Variants in RP1 observed in about 807,000 individuals in gnomAD.
RP1 encodes the protein RP1 axonemal microtubule associated, also known as oxygen-regulated protein 1.
A neutral mutation model predicts 14.8 loss-of-function variants in RP1; 16 were observed. The ratio of observed to expected loss-of-function variants is 1.08; its 90% CI spans 0.73 to 1.65. The LOEUF (loss-of-function observed/expected upper bound fraction) is 1.65. Ranked by LOEUF, RP1 falls within the 40% of genes most tolerant of loss-of-function variation. RP1 has a pLI of 0.00. For missense variants in RP1, 2,631 were observed against 2,535.0 expected (o/e 1.04, Z -0.81); for synonymous variants, 876 against 883.6 (o/e 0.99, Z 0.15).
chr8:54,649,810 T>G (rs1162925242), intron 4 of RP1, among the ~76,000 whole-genome samples: 1 of 152,186 alleles, frequency 6.6e-6, no homozygotes, highest in Non-Finnish European at 1.5e-5. Context: ...GTATTGCAAG[T>G]CTTCACAGGA....
Position 54,697,040 on chromosome 8 carries a change from C to T in RP1, c.1718-2427C>T, listed in dbSNP as rs574687710. On this transcript the variant is annotated intron_variant, in intron 12 of 22. Transcript: ENST00000636932. ...GCACCCTTTCCACCTTTCAGTGGCC[C>T]GTCACGCTACCAAAAATAGAGTGGG... The T allele has an allele frequency of 4.9e-5, 75 of 1,525,768 alleles. No individual in the cohort carries two copies. The East Asian group carries it at 5.2e-4, about 11-fold the overall frequency. 94.5% of individuals were successfully genotyped at this position (1,525,768 alleles called of 1,614,324 possible).
At chr8:54,830,712 T>C (rs1485313211) in intron 24 of RP1, among the ~76,000 whole-genome samples, 3 of 152,190 alleles carry the variant, frequency 2.0e-5, no homozygotes, top group Admixed American at 2.0e-4. Flanking sequence ...GAAATTCACA[T>C]AGCATACAAT....
At chr8:54,773,138 T>C (rs898927421), downstream of RP1, among the ~76,000 whole-genome samples, 1 of 152,132 alleles carries the variant, frequency 6.6e-6, no homozygotes, top group African/African-American at 2.4e-5. Flanking sequence ...CTTGGAGTGT[T>C]GGCATCCATC....
chr8:54,586,665 C>A (rs1177216713), intron 1 of RP1, among the ~76,000 whole-genome samples: 1 of 152,184 alleles, frequency 6.6e-6, no homozygotes, highest in Non-Finnish European at 1.5e-5. Context: ...TTCCTGGCTG[C>A]TTTTTTACCT....
chr8:54,709,783 G>A (rs1808253425), intron 15 of RP1, among the ~76,000 whole-genome samples: 1 of 152,210 alleles, frequency 6.6e-6, no homozygotes, highest in Non-Finnish European at 1.5e-5. Context: ...GGCAACACAT[G>A]TGTGTAAAGT....
chr8:54,747,978 G>C (rs1056335671), intron 19 of RP1, among the ~76,000 whole-genome samples: 1 of 152,190 alleles, frequency 6.6e-6, no homozygotes, highest in Non-Finnish European at 1.5e-5. Flanking sequence ...ATACATTCTG[G>C]ATAAATAGAC....
chr8:54,847,209 G>C (rs1361519797), intron 25 of RP1, among the ~76,000 whole-genome samples: 1 of 152,166 alleles, frequency 6.6e-6, no homozygotes, highest in East Asian at 1.9e-4. Flanking sequence ...AAAAAAGAGA[G>C]AGATTTTTTC....
intron 3 of RP1, among the ~76,000 whole-genome samples, chr8:54,643,713 A>C (rs1300841191): frequency 3.3e-5 from 5 of 151,902 alleles, no homozygotes. Context: ...CTAGGGGAAG[A>C]TCCTCCCTCA....
In RP1 at chr8:54,626,506, A is replaced by G. The variant is rs1473823325; in HGVS notation, c.2624A>G (p.Asp875Gly). 19 of 1,613,808 alleles carry G rather than the reference A, an allele frequency of 1.2e-5. No individual in the cohort carries two copies. Among genetic ancestry groups the G allele is most frequent in the Non-Finnish European group, 1.4e-5 (17 of 1,179,916 alleles). Residue 875 changes from aspartate to glycine, a missense_variant, in exon 4 of 4, where the codon GAT (aspartate) becomes GGT (glycine). Transcript: ENST00000220676. Reference protein sequence around the residue: ...TLKSQKKRKGDKVKASAILSK... With the variant: ...TLKSQKKRKGGKVKASAILSK... ...AAAAGCCAGAAAAAACGTAAAGGGG[A>G]TAAAGTGAAAGCAAGTGCTATTTTA...
At chr8:54,854,106 T>C (rs1156755017) in intron 26 of RP1, among the ~76,000 whole-genome samples, 1 of 152,168 alleles carries the variant, frequency 6.6e-6, no homozygotes, top group Non-Finnish European at 1.5e-5. Context: ...GCAGTTTTAA[T>C]GTAATATCAA....
At chr8:54,704,781 T>C (rs1439612484) in intron 14 of RP1, among the ~76,000 whole-genome samples, 1 of 152,202 alleles carries the variant, frequency 6.6e-6, no homozygotes, top group Non-Finnish European at 1.5e-5. Flanking sequence ...TCTCATGTTA[T>C]TTAGCTTAAG....
intron 19 of RP1, among the ~76,000 whole-genome samples, chr8:54,753,122 T>A (rs1359865406): frequency 6.6e-6 from 1 of 152,180 alleles, no homozygotes; most frequent in East Asian, 1.9e-4. Context: ...CAGTTGGAAA[T>A]GCCAGAGCTA....
intron 24 of RP1, among the ~76,000 whole-genome samples, chr8:54,819,467 G>A (rs1563385999): frequency 6.6e-6 from 1 of 152,064 alleles, no homozygotes; most frequent in Non-Finnish European, 1.5e-5. Context: ...AGTCCCTGGT[G>A]CCTTATTAGT....
intron 24 of RP1, among the ~76,000 whole-genome samples, chr8:54,792,404 T>A (rs1810486294): frequency 6.6e-6 from 1 of 151,876 alleles, no homozygotes; most frequent in South Asian, 2.1e-4. Flanking sequence ...AACAACAGAA[T>A]ACATACTATT....
intron 5 of RP1, among the ~76,000 whole-genome samples, chr8:54,655,721 A>G (rs1806741061): frequency 6.6e-6 from 1 of 152,216 alleles, no homozygotes; most frequent in African/African-American, 2.4e-5. Context: ...TAGAAACACT[A>G]GAAATAGAAA....
chr8:54,716,892 C>G (rs182009193), intron 15 of RP1, among the ~76,000 whole-genome samples: 1 of 152,110 alleles, frequency 6.6e-6, no homozygotes, highest in African/African-American at 2.4e-5. Context: ...CTGGGATAGC[C>G]CCTCAGCTGT....
chr8:54,653,884 T>A (rs1806704788), intron 5 of RP1, among the ~76,000 whole-genome samples: 1 of 152,194 alleles, frequency 6.6e-6, no homozygotes, highest in African/African-American at 2.4e-5. Context: ...AACTAACATA[T>A]GAAAATTATC....
intron 27 of RP1, among the ~76,000 whole-genome samples, chr8:54,858,330 A>G (rs1812254489): frequency 6.6e-6 from 1 of 152,216 alleles, no homozygotes; most frequent in Admixed American, 6.5e-5. Context: ...GGAAGGAATG[A>G]CATAATATGC....
chr8:54,719,280 A>G (rs1808480124), intron 15 of RP1, among the ~76,000 whole-genome samples: 1 of 152,118 alleles, frequency 6.6e-6, no homozygotes, highest in African/African-American at 2.4e-5. Flanking sequence ...GAACAATGCA[A>G]GGCCAGAATC....
Sources: gnomAD v4.1 joint callset for allele counts (sites outside exome capture counted in the v4.1 genomes callset) on GRCh38, gnomAD v4.1.1 for gene constraint, MANE v1.5 for transcripts, NCBI Gene and HGNC (gene_info 2026-07-23, HGNC 2026-07-21) for gene names.